The following IKZF4 variants were observed in gnomAD, a reference collection of about 807,000 sequenced individuals.
IKZF4 encodes the protein zinc finger protein Eos.
IKZF4 carries 11 observed loss-of-function variants against 47.7 expected under a neutral mutation model. The ratio of observed to expected loss-of-function variants is 0.23; its 90% CI spans 0.15 to 0.38. IKZF4 has a LOEUF of 0.38. Among genes scored for constraint, IKZF4 ranks in the 10% least tolerant of loss-of-function variants. The probability of loss-of-function intolerance (pLI) is 1.00; values close to 1 mark genes in which losing one functional copy is unlikely to be tolerated. For missense variants in IKZF4, 557 were observed against 784.9 expected, an observed-to-expected ratio of 0.71 and a Z score of 3.47; for synonymous variants, 298 against 299.4, an observed-to-expected ratio of 1.00 and a Z score of 0.05.
At chr12:56,025,232 T>C in intron 3 of IKZF4, 74 bp downstream of exon 3, 1 of 1,423,498 alleles carries the variant, frequency 7.0e-7, no homozygotes, top group Non-Finnish European at 9.3e-7. Context: ...CACCTTCCAC[T>C]GGCAACCATT....
At chr12:56,018,062 TAAAG>T, upstream of IKZF4, 1 of 1,095,400 alleles carries the variant, frequency 9.1e-7, no homozygotes, top group Non-Finnish European at 1.2e-6. Flanking sequence ...TCAAGAATAT[TAAAG>T]AAAAGCCTCC....
intron 1 of IKZF4, among the ~76,000 whole-genome samples, chr12:56,008,125 G>A (rs1214166996): frequency 3.3e-5 from 5 of 152,170 alleles, no homozygotes; most frequent in African/African-American, 9.7e-5. Context: ...CGAGGGACCC[G>A]GGTGTTGGGT....
chr12:56,014,156 A>G (rs990437695), intron 2 of IKZF4, among the ~76,000 whole-genome samples: 1 of 117,420 alleles, frequency 8.5e-6, no homozygotes, highest in Non-Finnish European at 1.7e-5. Flanking sequence ...ACTCCGTCTC[A>G]AAAAAAAAAA....
intron 7 of IKZF4, among the ~76,000 whole-genome samples, chr12:56,033,663 C>T (rs945061066): frequency 6.6e-6 from 1 of 151,862 alleles, no homozygotes; most frequent in Non-Finnish European, 1.5e-5. Context: ...GCGGAGATCG[C>T]GCCACTGCAC....
intron 3 of IKZF4, 41 bp from the exon 4 acceptor site, chr12:56,026,740 C>A: frequency 6.9e-7 from 1 of 1,440,604 alleles, no homozygotes; most frequent in African/African-American, 1.5e-5. Context: ...GCAGCTTCCC[C>A]CTTTGCCTCT....
At chr12:56,023,156 T>G (rs1893361019) in intron 1 of IKZF4, among the ~76,000 whole-genome samples, 1 of 152,220 alleles carries the variant, frequency 6.6e-6, no homozygotes, top group Non-Finnish European at 1.5e-5. Flanking sequence ...AGCAAGTCGC[T>G]GGCCTCAAGA....
chr12:56,033,689 C>A (rs912907595), intron 7 of IKZF4, among the ~76,000 whole-genome samples: 2 of 151,710 alleles, frequency 1.3e-5, no homozygotes, highest in Non-Finnish European at 2.9e-5. Context: ...CCATCCTGGG[C>A]AACAGAGCAA....
chr12:56,030,806 C>T (rs368292238), intron 5 of IKZF4, among the ~76,000 whole-genome samples: 11 of 151,290 alleles, frequency 7.3e-5, no homozygotes, highest in African/African-American at 2.7e-4. Context: ...AGGTGGATAG[C>T]GAGAGGCTGG....
intron 5 of IKZF4, among the ~76,000 whole-genome samples, chr12:56,031,285 GT>G (rs2136698574): frequency 6.6e-6 from 1 of 152,100 alleles, no homozygotes; most frequent in East Asian, 1.9e-4. Context: ...AATGTTTGAG[GT>G]GACAGATATG....
intron 3 of IKZF4, among the ~76,000 whole-genome samples, chr12:56,025,694 G>C (rs892143199): frequency 9.2e-5 from 14 of 152,122 alleles, no homozygotes; most frequent in Admixed American, 2.6e-4. Flanking sequence ...GGAGGTGGAG[G>C]GGGTAGAGGG....
chr12:56,030,590 G>A (rs754714317), intron 5 of IKZF4, among the ~76,000 whole-genome samples: 14 of 152,182 alleles, frequency 9.2e-5, no homozygotes, highest in Non-Finnish European at 1.9e-4. Context: ...TTAGCCAGGC[G>A]TGGTGGCGCA....
chr12:56,008,962 C>A (rs1292423621), intron 1 of IKZF4, among the ~76,000 whole-genome samples: 1 of 152,164 alleles, frequency 6.6e-6, no homozygotes, highest in Non-Finnish European at 1.5e-5. Context: ...CAGGCATGAG[C>A]CACCGTGCCT....
In IKZF4 at chr12:56,034,857, G is replaced by A. The variant is rs573151418; in HGVS notation, c.1284G>A (p.Leu428=). The A allele has an allele frequency of 6.2e-7, 1 of 1,612,924 alleles. No homozygotes were observed. The highest frequency in any genetic ancestry group is 1.3e-5 in the African/African-American group (1 of 75,028). ...SREAGEGPED[L]ADGGPLLYRP... ...AAGCAGGTGAGGGACCTGAGGACCT[G>A]GCTGATGGAGGTCCCCTCCTCTACC... The change falls in exon 8 of 8, where the codon CTG becomes CTA. Residue 428 remains leucine, a synonymous_variant. Transcript: ENST00000547167.
chr12:56,023,879 T>C, intron 2 of IKZF4, 115 bp downstream of exon 2: 1 of 1,511,944 alleles, frequency 6.6e-7, no homozygotes, highest in Admixed American at 2.1e-5. Context: ...CTTTCTCTCT[T>C]CCATATTTAG....
intron 7 of IKZF4, 27 bp downstream of exon 7, chr12:56,033,348 C>A: frequency 6.2e-7 from 1 of 1,613,316 alleles, no homozygotes; most frequent in East Asian, 2.2e-5. Context: ...AAAGACGTAT[C>A]AGCTTTAAGC....
upstream of IKZF4, among the ~76,000 whole-genome samples, chr12:56,016,568 C>T (rs766943155): frequency 8.0e-5 from 12 of 150,074 alleles, no homozygotes; most frequent in African/African-American, 1.7e-4. Context: ...ATTACAGGCT[C>T]ATGCCACTAC....
chr12:56,011,660 G>T (rs1471915150), intron 2 of IKZF4: 1 of 152,230 alleles, frequency 6.6e-6, no homozygotes, highest in Non-Finnish European at 1.5e-5. Context: ...TATGTAGACA[G>T]AAGGTCACCA....
rs183343039 is a variant in IKZF4, at chr12:56,008,924, G to A, written c.-292+1190G>A. On this transcript the variant is annotated intron_variant, in intron 1 of 11. Coordinates refer to the IKZF4 transcript ENST00000262032. Reference sequence around the variant, plus strand: ...ACTCCTGACCTCAGGTGATCCACCCGCCTCAGCCTCCCAAAGTGCTGGGAT... The same window carrying A: ...ACTCCTGACCTCAGGTGATCCACCCACCTCAGCCTCCCAAAGTGCTGGGAT... Among the ~76,000 whole-genome samples the A allele has an allele frequency of 3.9e-3, 596 of 152,134 alleles. 2 individuals are homozygous for A. Among genetic ancestry groups the A allele is most frequent in the Non-Finnish European group, 6.5e-3 (441 of 67,968 alleles).
At chr12:56,023,982 G>GT in intron 2 of IKZF4, 1 of 906,228 alleles carries the variant, frequency 1.1e-6, no homozygotes. Flanking sequence ...CTCTTTATAT[G>GT]TATCTACATA....
Sources: allele counts gnomAD v4.1 joint callset (sites outside exome capture counted in the v4.1 genomes callset), GRCh38; gene constraint gnomAD v4.1.1; transcripts MANE v1.5; gene names NCBI Gene and HGNC (gene_info 2026-07-23, HGNC 2026-07-21).